SYNPO2: variants seen among roughly 807,000 people sequenced by gnomAD.
SYNPO2 encodes synaptopodin-2.
A neutral mutation model predicts 85.0 loss-of-function variants in SYNPO2; 56 were observed. The observed-to-expected ratio is 0.66, with a 90% CI of 0.53 to 0.82. The LOEUF (loss-of-function observed/expected upper bound fraction) is 0.82. Among genes scored for constraint, SYNPO2 ranks in the 40% least tolerant of loss-of-function variants. The pLI, the probability that SYNPO2 is intolerant of heterozygous loss-of-function variation, is 0.00. For synonymous variants in SYNPO2, 602 were observed against 591.1 expected, an observed-to-expected ratio of 1.02 and a Z score of -0.27; for missense variants, 1,575 against 1,534.2, an observed-to-expected ratio of 1.03 and a Z score of -0.44.
At position 119,026,636 on chromosome 4, in the gene SYNPO2, T is replaced by G. The variant is rs887876477; in HGVS notation, c.267T>G (p.Ser89Arg). The G allele has an allele frequency of 5.0e-6, 8 of 1,601,720 alleles. No individual in the cohort carries two copies. The highest frequency in any genetic ancestry group is 2.7e-5 in the African/African-American group (2 of 74,448). The change falls in exon 3 of 5, where the codon AGT (serine) becomes AGG (arginine). Residue 89 changes from serine to arginine, a missense_variant. Physicochemically the swap from Ser to Arg is moderately radical, Grantham distance 110. Around this residue, in one of 3 missense-constraint regions of SYNPO2, gnomAD observed 1,508 missense variants for 1,446.8 expected, o/e 1.04. Coordinates refer to ENST00000307142, the MANE Select transcript of SYNPO2 (RefSeq NM_133477.3). ...ATTTTTCTGTGTGCAGACCATCCAG[T>G]GGAATAAGTGAGGCTTTGATATCTG... ...SLQMLIKRPS[S>R]GISEALISEN... is the part of the protein sequence containing the mutation.
rs1008975344 is a variant in SYNPO2 at position 119,030,241 on chromosome 4, G to C, written c.1466G>C (p.Gly489Ala). 6.2e-7 allele frequency: 1 copy of C among 1,613,870 alleles called. No homozygotes were observed. Among genetic ancestry groups the C allele is most frequent in the African/African-American group, 1.3e-5 (1 of 74,854 alleles). Residue 489 changes from glycine to alanine, a missense_variant, in exon 4 of 5, where the codon GGC (glycine) becomes GCC (alanine). By Grantham distance (60) the Gly-to-Ala change is moderately conservative (BLOSUM62 0). Around this residue, in one of 3 missense-constraint regions of SYNPO2, gnomAD observed 1,508 missense variants for 1,446.8 expected, o/e 1.04. Transcript: ENST00000307142. Reference protein sequence around the residue: ...DKMEMLPDTTGKGALMFAKRR... With the variant: ...DKMEMLPDTTAKGALMFAKRR... ...ATGGAGATGTTACCAGACACCACAG[G>C]CAAGGGAGCCCTCATGTTTGCCAAG...
intron 1 of SYNPO2, among the ~76,000 whole-genome samples, chr4:118,851,376 A>G (rs1019725970): frequency 1.8e-4 from 27 of 152,182 alleles, no homozygotes; most frequent in Middle Eastern, 3.2e-3. Context: ...AATCCCAGCT[A>G]CTTGGGAGGC....
At chr4:118,879,799 C>T (rs1732042108) in intron 1 of SYNPO2, among the ~76,000 whole-genome samples, 1 of 152,108 alleles carries the variant, frequency 6.6e-6, no homozygotes, top group Admixed American at 6.6e-5. Context: ...GTAACTGCAA[C>T]TTTTGTGACA....
rs1444540727 is a variant in SYNPO2 at position 119,037,502 on chromosome 4, T to C, written c.3252+5475T>C. 5.9e-6 allele frequency: 6 copies of C among 1,010,378 alleles called. No homozygotes were observed. In the African/African-American group the frequency reaches 8.6e-5, roughly 14 times the overall value. 62.6% of individuals were successfully genotyped at this position (1,010,378 alleles called of 1,614,324 possible). A position where few individuals can be genotyped will look rare whatever the true frequency, so the allele number is the denominator to read the frequency against. On this transcript the variant is annotated intron_variant, in intron 4 of 4. Transcript: ENST00000307142. ...AGGATACACGGTAGAAGTCAGAGAATCTTTGATACTTTTATTTGGTGCAAT... is the reference window on the plus strand; with the variant it reads ...AGGATACACGGTAGAAGTCAGAGAACCTTTGATACTTTTATTTGGTGCAAT...
intron 1 of SYNPO2, among the ~76,000 whole-genome samples, chr4:118,920,764 A>C (rs569574265): frequency 6.6e-6 from 1 of 152,324 alleles, no homozygotes; most frequent in South Asian, 2.1e-4. Flanking sequence ...CACAGTACAC[A>C]TATGAAACCA....
chr4:118,879,844 G>A (rs1369381346), intron 1 of SYNPO2, among the ~76,000 whole-genome samples: 1 of 151,962 alleles, frequency 6.6e-6, no homozygotes, highest in Non-Finnish European at 1.5e-5. Context: ...GGGGTTGGCA[G>A]CCCTGCCCTT....
chr4:118,868,465 CT>C (rs36052595), intron 1 of SYNPO2, among the ~76,000 whole-genome samples: 1 of 152,068 alleles, frequency 6.6e-6, no homozygotes, highest in African/African-American at 2.4e-5. Context: ...GAACAGATTA[CT>C]TTTTCAAACA....
intron 1 of SYNPO2, among the ~76,000 whole-genome samples, chr4:118,881,762 T>C (rs560983189): frequency 6.6e-6 from 1 of 152,136 alleles, no homozygotes; most frequent in Non-Finnish European, 1.5e-5. Flanking sequence ...CCTGAGGGCA[T>C]CTTCTTTCAC....
At chr4:118,933,436 A>G (rs937972521) in intron 1 of SYNPO2, among the ~76,000 whole-genome samples, 1 of 152,240 alleles carries the variant, frequency 6.6e-6, no homozygotes, top group Non-Finnish European at 1.5e-5. Flanking sequence ...CAATACCTTC[A>G]GCATATCAAT....
At chr4:118,951,795 C>T (rs952323073) in intron 1 of SYNPO2, among the ~76,000 whole-genome samples, 17 of 152,112 alleles carry the variant, frequency 1.1e-4, no homozygotes, top group South Asian at 8.3e-4. Context: ...ATTTGAAAAA[C>T]GTAGGAAATA....
In SYNPO2 at chr4:119,033,069, C is replaced by T. The variant is rs1383340746; in HGVS notation, c.3252+1042C>T. 7 of 985,114 alleles carry T rather than the reference C, an allele frequency of 7.1e-6. No homozygotes were observed. In the East Asian group the frequency reaches 7.9e-4, roughly 112 times the overall value. The allele number at this position is 985,114 out of a possible 1,614,324, so 61.0% of individuals were successfully genotyped here. ...GAAGTAACATGTAAAAGGCAGGACG[C>T]ACATAAAGGTGTACATGGCTATTGT... On this transcript the variant is annotated intron_variant, in intron 4 of 4. Coordinates refer to ENST00000307142, the MANE Select transcript of SYNPO2 (RefSeq NM_133477.3).
At chr4:118,976,114 A>G (rs1019169680) in intron 1 of SYNPO2, among the ~76,000 whole-genome samples, 3 of 152,208 alleles carry the variant, frequency 2.0e-5, no homozygotes, top group South Asian at 2.1e-4. Flanking sequence ...ACTGACTTCA[A>G]GAATGAAGCC....
At position 119,031,540 on chromosome 4, in the gene SYNPO2, C is replaced by T; in HGVS notation, c.2765C>T (p.Pro922Leu). The T allele has an allele frequency of 1.2e-6, 2 of 1,614,190 alleles. No homozygotes were observed. Among genetic ancestry groups the T allele is most frequent in the South Asian group, 1.1e-5 (1 of 91,080 alleles). The change falls in exon 4 of 5, where the codon CCT (proline) becomes CTT (leucine). Residue 922 changes from proline to leucine, a missense_variant. By Grantham distance (98) the Pro-to-Leu change is moderately conservative. Around this residue, in one of 3 missense-constraint regions of SYNPO2, gnomAD observed 1,508 missense variants for 1,446.8 expected, o/e 1.04. Coordinates refer to ENST00000307142, the MANE Select transcript of SYNPO2 (RefSeq NM_133477.3). ...TCCTCCAATGTCCGAGCACCTCCTC[C>T]TGTGGCCTATAATCCTATCCACTCG... ...KYSSNVRAPP[P>L]VAYNPIHSPS...
At chr4:119,029,824 T>TC (rs1738134151) in intron 3 of SYNPO2, 21 bp from the exon 4 acceptor site, 1 of 1,521,296 alleles carries the variant, frequency 6.6e-7, no homozygotes, top group South Asian at 1.3e-5. Flanking sequence ...AATATAATTT[T>TC]TTTTTTTTTG....
intron 4 of SYNPO2, among the ~76,000 whole-genome samples, chr4:119,054,233 G>T (rs182263978): frequency 9.2e-4 from 140 of 152,366 alleles, no homozygotes; most frequent in Non-Finnish European, 1.6e-3. Flanking sequence ...CAAAGCCCCA[G>T]AGGGAGCGTT....
At chr4:118,903,439 C>T (rs1429593229) in intron 1 of SYNPO2, among the ~76,000 whole-genome samples, 1 of 151,950 alleles carries the variant, frequency 6.6e-6, no homozygotes, top group African/African-American at 2.4e-5. Context: ...TTTATTTATT[C>T]AAAAATTAAG....
intron 1 of SYNPO2, among the ~76,000 whole-genome samples, chr4:118,860,592 T>C (rs1731592243): frequency 6.8e-6 from 1 of 146,932 alleles, no homozygotes; most frequent in Admixed American, 6.8e-5. Context: ...AGTCTCACTC[T>C]GTTGCCAGGC....
At chr4:118,883,427 A>G (rs145724637) in intron 1 of SYNPO2, among the ~76,000 whole-genome samples, 24 of 152,346 alleles carry the variant, frequency 1.6e-4, no homozygotes, top group African/African-American at 5.5e-4. Flanking sequence ...TTATTGCAGA[A>G]TAAGTCGTTC....
intron 1 of SYNPO2, among the ~76,000 whole-genome samples, chr4:119,003,774 C>A (rs1736909386): frequency 6.6e-6 from 1 of 152,094 alleles, no homozygotes; most frequent in Admixed American, 6.6e-5. Context: ...TCAGGCTGGG[C>A]TGTTTCTTGG....
Sources: gnomAD v4.1 joint callset for allele counts (sites outside exome capture counted in the v4.1 genomes callset) on GRCh38, gnomAD v4.1.1 for gene constraint, gnomAD v4.1.1 regional missense constraint, MANE v1.5 for transcripts, NCBI Gene and HGNC (gene_info 2026-07-23, HGNC 2026-07-21) for gene names.